Variants in LRP5 observed in about 807,000 individuals in gnomAD.
The protein encoded by LRP5 is low-density lipoprotein receptor-related protein 5.
LRP5 carries 62 observed loss-of-function variants against 154.1 expected under a neutral mutation model. That is an observed-to-expected ratio of 0.40 (90% CI 0.33 to 0.50). LRP5 has a LOEUF of 0.50. Ranked by LOEUF, LRP5 falls within the 20% of genes least tolerant of loss-of-function variation. LRP5 has a pLI of 0.55. For missense variants in LRP5, 1,915 were observed against 2,336.7 expected, an observed-to-expected ratio of 0.82 and a Z score of 3.72; for synonymous variants, 966 against 1,011.5, an observed-to-expected ratio of 0.96 and a Z score of 0.85.
At chr11:68,357,607 C>A in intron 2 of LRP5, 43 bp from the exon 3 acceptor site, 3 of 1,581,338 alleles carry the variant, frequency 1.9e-6, no homozygotes, top group Non-Finnish European at 1.7e-6. Flanking sequence ...AAACAAAAAA[C>A]AGATCTGTGT....
At chr11:68,417,404 TG>T (rs1230379140) in intron 13 of LRP5, among the ~76,000 whole-genome samples, 1 of 150,284 alleles carries the variant, frequency 6.7e-6, no homozygotes, top group African/African-American at 2.5e-5. Context: ...GAAACCGTGC[TG>T]TGCTCAAATT....
At chr11:68,404,859 A>T (rs1326507865) in intron 8 of LRP5, among the ~76,000 whole-genome samples, 2 of 151,402 alleles carry the variant, frequency 1.3e-5, no homozygotes, top group Non-Finnish European at 2.9e-5. Flanking sequence ...AGTCCCAGCT[A>T]CTCGGGAGGC....
chr11:68,336,551 C>G (rs994248238), intron 1 of LRP5, among the ~76,000 whole-genome samples: 4 of 152,158 alleles, frequency 2.6e-5, no homozygotes, highest in African/African-American at 7.2e-5. Context: ...TCATGGCAAC[C>G]TCTGCCTCCC....
At chr11:68,429,046 G>A (rs1424487103) in intron 16 of LRP5, among the ~76,000 whole-genome samples, 12 of 145,442 alleles carry the variant, frequency 8.3e-5, no homozygotes, top group Admixed American at 4.9e-4. Context: ...GCAGTGAGCC[G>A]AGATCATGCC....
At chr11:68,434,915 G>A (rs185810705) in intron 18 of LRP5, among the ~76,000 whole-genome samples, 1,690 of 152,328 alleles carry the variant, frequency 0.011, 22 homozygotes, top group Middle Eastern at 0.065. Flanking sequence ...TTCTATAAAG[G>A]CATAGTGGTT....
At chr11:68,312,854 C>T in intron 1 of LRP5, 49 bp downstream of exon 1, 2 of 949,154 alleles carry the variant, frequency 2.1e-6, no homozygotes, top group East Asian at 1.0e-4. Flanking sequence ...CGGACAATGG[C>T]CCGGGCGGCC....
intron 5 of LRP5, among the ~76,000 whole-genome samples, chr11:68,381,392 G>C (rs894838485): frequency 6.6e-5 from 10 of 152,126 alleles, no homozygotes; most frequent in African/African-American, 2.4e-4. Flanking sequence ...AGGGACGGAC[G>C]GTGTCGAGCT....
At chr11:68,442,247 G>T (rs772460914) in intron 21 of LRP5, among the ~76,000 whole-genome samples, 2 of 152,208 alleles carry the variant, frequency 1.3e-5, no homozygotes, top group South Asian at 4.1e-4. Context: ...CACTGATAAC[G>T]ATTCTTTCAC....
chr11:68,313,847 G>T (rs2098590840), intron 1 of LRP5, among the ~76,000 whole-genome samples: 1 of 152,202 alleles, frequency 6.6e-6, no homozygotes, highest in Non-Finnish European at 1.5e-5. Context: ...CTGTCTCCCT[G>T]AATATTTCCA....
At chr11:68,385,861 G>A (rs1455383482) in intron 5 of LRP5, among the ~76,000 whole-genome samples, 1 of 152,108 alleles carries the variant, frequency 6.6e-6, no homozygotes, top group African/African-American at 2.4e-5. Flanking sequence ...GGAAGGGTGA[G>A]CCCCTGCAAG....
intron 7 of LRP5, among the ~76,000 whole-genome samples, chr11:68,392,518 TA>T (rs1362062124): frequency 6.6e-6 from 1 of 151,742 alleles, no homozygotes; most frequent in Admixed American, 6.6e-5. Context: ...AATAAATAAA[TA>T]AAAAAAATTT....
chr11:68,301,691 C>T, the LRP5 span, among the ~76,000 whole-genome samples: 11 of 143,240 alleles, frequency 7.7e-5, no homozygotes, highest in African/African-American at 2.2e-4. Flanking sequence ...GGTGTGATCT[C>T]GGCTCACTGC....
In LRP5 at chr11:68,371,619, G is replaced by A. The variant is rs536344949; in HGVS notation, c.1015+5917G>A. ...GGCTGCAGGTGCCCATTGGTATTGC[G>A]GCCGTGCGCCCGGCGGGCATGAATT... On this transcript the variant is annotated intron_variant, in intron 5 of 22. Coordinates refer to ENST00000294304, the MANE Select transcript of LRP5 (RefSeq NM_002335.4). Among the ~76,000 whole-genome samples, 8 of 152,380 alleles carry A rather than the reference G, an allele frequency of 5.3e-5. No homozygotes were observed. In the East Asian group the frequency reaches 1.2e-3, roughly 22 times the overall value.
At chr11:68,348,900 C>T (rs375108701) in intron 2 of LRP5, among the ~76,000 whole-genome samples, 1 of 151,598 alleles carries the variant, frequency 6.6e-6, no homozygotes, top group African/African-American at 2.4e-5. Flanking sequence ...GCTGTGATCC[C>T]ACCACTGCAC....
At position 68,439,459 on chromosome 11, in the gene LRP5, C is replaced by T. The variant is rs35388122; in HGVS notation, c.4349-318C>T. On this transcript the variant is annotated intron_variant, in intron 20 of 22. Transcript: ENST00000294304. ...CCCACAGTGGTGGCACCATCACAGT[C>T]GCAGCAGCCCCCAGAGAACGCGGCC... 1.0e-2 allele frequency among the ~76,000 whole-genome samples: 1,520 copies of T among 152,318 alleles called. 13 individuals are homozygous for T. Among genetic ancestry groups the T allele is most frequent in the Non-Finnish European group, 0.016 (1,059 of 68,026 alleles).
chr11:68,368,309 AC>A (rs2153141962), intron 5 of LRP5, among the ~76,000 whole-genome samples: 1 of 151,728 alleles, frequency 6.6e-6, no homozygotes, highest in East Asian at 1.9e-4. Flanking sequence ...TGAGCCGGAG[AC>A]TCCTGTACTG....
Position 68,413,073 on chromosome 11 carries a change from C to T in LRP5, c.2504-616C>T, listed in dbSNP as rs1003097152. 1 of 189,056 alleles carries T rather than the reference C, an allele frequency of 5.3e-6. No individual in the cohort carries two copies. Among genetic ancestry groups the T allele is most frequent in the Non-Finnish European group, 1.1e-5 (1 of 89,638 alleles). The allele number at this position is 189,056 out of a possible 1,614,324, so 11.7% of individuals were successfully genotyped here. A position where few individuals can be genotyped will look rare whatever the true frequency, so the allele number is the denominator to read the frequency against. On this transcript the variant is annotated intron_variant, in intron 11 of 22. Coordinates refer to ENST00000294304, the MANE Select transcript of LRP5 (RefSeq NM_002335.4). The surrounding 1 kb of genome is among the most constrained non-coding windows in gnomAD (Gnocchi z 5.1). Reference sequence around the variant, plus strand: ...GGTTTGCACGTGACTTCGTGACCGTCACCCAGCTCTGCAGCACATCCCGTG... The same window carrying T: ...GGTTTGCACGTGACTTCGTGACCGTTACCCAGCTCTGCAGCACATCCCGTG...
chr11:68,406,539 C>T lies in LRP5; in HGVS notation c.1817C>T (p.Ala606Val), dbSNP rs750804004. The T allele has an allele frequency of 1.2e-5, 20 of 1,613,998 alleles. No homozygotes were observed. The African/African-American group carries it at 1.7e-4, about 14-fold the overall frequency. Residue 606 changes from alanine (A) to valine (V), a missense_variant, in exon 9 of 23, where the codon GCG (alanine) becomes GTG (valine). Ala to Val is a moderately conservative substitution (Grantham distance 64). Around this residue, in one of 3 missense-constraint regions of LRP5, gnomAD observed 773 missense variants for 1,100.9 expected, o/e 0.70. Transcript: ENST00000294304. ...TCGCTTCCAGGAACCAACCCGTGTGCGGACAGGAACGGGGGGTGCAGCCAC... is the reference window on the plus strand; with the variant it reads ...TCGCTTCCAGGAACCAACCCGTGTGTGGACAGGAACGGGGGGTGCAGCCAC... Reference protein sequence around the residue: ...VAKVVGTNPCADRNGGCSHLC... With the variant: ...VAKVVGTNPCVDRNGGCSHLC...
chr11:68,338,090 A>G (rs1264806130), intron 1 of LRP5, among the ~76,000 whole-genome samples: 1 of 152,060 alleles, frequency 6.6e-6, no homozygotes, highest in African/African-American at 2.4e-5. Context: ...TGGAGCCCTG[A>G]TGTCTTCTGT....
Sources: allele counts gnomAD v4.1 joint callset (sites outside exome capture counted in the v4.1 genomes callset), GRCh38; gene constraint gnomAD v4.1.1; regional missense constraint gnomAD v4.1.1; non-coding constraint Gnocchi (gnomAD v3.1); transcripts MANE v1.5; gene names NCBI Gene and HGNC (gene_info 2026-07-23, HGNC 2026-07-21).